FRMPD4: variants seen among roughly 807,000 people sequenced by gnomAD.
The protein encoded by FRMPD4 is FERM and PDZ domain-containing protein 4.
FRMPD4 carries 22 observed loss-of-function variants against 94.1 expected under a neutral mutation model. The observed-to-expected ratio is 0.23, with a 90% CI of 0.17 to 0.33. The LOEUF (loss-of-function observed/expected upper bound fraction) is 0.33, where lower values mean the gene tolerates loss of function less well. FRMPD4 is among the 10% of genes least tolerant of loss of function. The pLI, the probability that FRMPD4 is intolerant of heterozygous loss-of-function variation, is 1.00. For synonymous variants in FRMPD4, 631 were observed against 548.6 expected (o/e 1.15, Z -2.10); for missense variants, 1,111 against 1,339.9 (o/e 0.83, Z 2.67).
At chrX:12,556,306 G>A (rs2058594494) in intron 2 of FRMPD4, among the ~76,000 whole-genome samples, 2 of 111,152 alleles carry the variant, frequency 1.8e-5, no homozygotes, top group African/African-American at 3.3e-5. Context: ...TAATCAAAAT[G>A]GAGATTATCT....
chrX:12,715,999 C>CGGGGGGGGG, intron 14 of FRMPD4, 70 bp from the exon 15 acceptor site: 1 of 337,360 alleles, frequency 3.0e-6, no homozygotes, highest in Non-Finnish European at 5.4e-6. Context: ...CAGAGACGAG[C>CGGGGGGGGG]CTCCCACCCC....
chrX:12,560,751 T>C (rs2058648730), intron 2 of FRMPD4, among the ~76,000 whole-genome samples: 1 of 5,600 alleles, frequency 1.8e-4, no homozygotes, highest in Non-Finnish European at 3.4e-4. Context: ...TCTTTTTTTT[T>C]TTTTTTTTTT....
intron 1 of FRMPD4, among the ~76,000 whole-genome samples, chrX:12,208,737 T>C (rs1283414139): frequency 8.9e-6 from 1 of 112,075 alleles, no homozygotes; most frequent in African/African-American, 3.2e-5. Flanking sequence ...ACCTTAGTAA[T>C]TTTTTAATAT....
At chrX:11,833,416 C>T (rs1216558245) in intron 1 of FRMPD4, among the ~76,000 whole-genome samples, 2 of 111,946 alleles carry the variant, frequency 1.8e-5, no homozygotes, top group Non-Finnish European at 3.8e-5. Context: ...TAAGAAATTG[C>T]CAAACTGTCT....
intron 1 of FRMPD4, among the ~76,000 whole-genome samples, chrX:12,350,983 G>A (rs772818463): frequency 1.8e-5 from 2 of 111,595 alleles, no homozygotes; most frequent in South Asian, 7.6e-4. Flanking sequence ...AGACCATCCT[G>A]GCCAACATGG....
At chrX:11,842,846 T>A (rs1271140360) in intron 1 of FRMPD4, among the ~76,000 whole-genome samples, 1 of 106,527 alleles carries the variant, frequency 9.4e-6, no homozygotes, top group African/African-American at 3.5e-5. Flanking sequence ...AGGGAATGCT[T>A]CCAGTTTTTG....
chrX:12,049,467 C>T (rs1185405391), intron 3 of FRMPD4, among the ~76,000 whole-genome samples: 1 of 110,965 alleles, frequency 9.0e-6, no homozygotes, highest in Non-Finnish European at 1.9e-5. Context: ...TATTTGGATG[C>T]CTTTTATTTC....
chrX:11,824,159 G>C (rs768598762), intron 1 of FRMPD4, among the ~76,000 whole-genome samples: 60 of 111,642 alleles, frequency 5.4e-4, no homozygotes, highest in African/African-American at 1.8e-3. Context: ...CTGAATATAA[G>C]GTGACAAATT....
At chrX:11,993,629 A>G (rs2054478173) in intron 3 of FRMPD4, among the ~76,000 whole-genome samples, 1 of 112,437 alleles carries the variant, frequency 8.9e-6, no homozygotes, top group Non-Finnish European at 1.9e-5. Context: ...ATAGATTACT[A>G]TGTCTATCTT....
chrX:12,704,800 T>C (rs895276586), intron 11 of FRMPD4, among the ~76,000 whole-genome samples: 6 of 112,347 alleles, frequency 5.3e-5, no homozygotes, highest in African/African-American at 1.9e-4. Flanking sequence ...GTGAAATCAT[T>C]CTATGTTTCA....
rs149308328 is a variant in FRMPD4 at position 12,275,403 on chromosome X, T to G, written c.41+136391T>G. On this transcript the variant is annotated intron_variant, in intron 1 of 16. Coordinates refer to ENST00000675598, the MANE Select transcript of FRMPD4 (RefSeq NM_001368397.1). ...GAACCATGAACCAATTAAACCTTTG[T>G]TAAAAAATAAATTACCGAGTCTCAG... 3.1e-4 allele frequency among the ~76,000 whole-genome samples: 35 copies of G among 111,280 alleles called. 1 individual carries two copies. The East Asian group carries it at 8.5e-3, about 27-fold the overall frequency.
At chrX:12,274,068 G>A (rs183430824) in intron 1 of FRMPD4, among the ~76,000 whole-genome samples, 19 of 111,302 alleles carry the variant, frequency 1.7e-4, no homozygotes, top group African/African-American at 6.2e-4. Flanking sequence ...GGGCACCTAC[G>A]AAGAATGTAA....
At chrX:12,518,872 G>A (rs1306822243) in intron 2 of FRMPD4, among the ~76,000 whole-genome samples, 2 of 111,812 alleles carry the variant, frequency 1.8e-5, no homozygotes, top group Non-Finnish European at 3.8e-5. Context: ...ATTCAGCAAA[G>A]TTACAGGTCA....
intron 3 of FRMPD4, among the ~76,000 whole-genome samples, chrX:11,964,353 G>T (rs1389939241): frequency 1.8e-5 from 2 of 110,577 alleles, no homozygotes; most frequent in Non-Finnish European, 3.8e-5. Flanking sequence ...GTAGAGACAG[G>T]GTTTCACCGT....
intron 1 of FRMPD4, among the ~76,000 whole-genome samples, chrX:12,467,883 A>G (rs2407851): frequency 0.18 from 20,067 of 111,145 alleles, 1,425 homozygotes; most frequent in African/African-American, 0.24. Context: ...AATCAGAGCT[A>G]CATTTTTAAA....
chrX:12,178,754 G>C (rs941467829), intron 1 of FRMPD4, among the ~76,000 whole-genome samples: 1 of 111,679 alleles, frequency 9.0e-6, no homozygotes, highest in African/African-American at 3.3e-5. Flanking sequence ...AGAAGCATTT[G>C]CAAGGGCAAC....
chrX:12,288,969 G>A (rs886138776), intron 1 of FRMPD4, among the ~76,000 whole-genome samples: 13 of 112,139 alleles, frequency 1.2e-4, no homozygotes, highest in African/African-American at 3.9e-4. Context: ...GTGCTAGGAG[G>A]AGCTTAGGAA....
intron 1 of FRMPD4, among the ~76,000 whole-genome samples, chrX:12,321,643 C>G (rs781118770): frequency 1.8e-5 from 2 of 111,915 alleles, no homozygotes; most frequent in Non-Finnish European, 3.8e-5. Context: ...TTATTGGGAT[C>G]TAACCTCATT....
intron 1 of FRMPD4, among the ~76,000 whole-genome samples, chrX:11,847,242 A>C (rs1217064068): frequency 9.0e-6 from 1 of 110,605 alleles, no homozygotes; most frequent in Non-Finnish European, 1.9e-5. Flanking sequence ...GACACGTCTC[A>C]AAAGAAGACA....
Sources: gnomAD v4.1 joint callset for allele counts (sites outside exome capture counted in the v4.1 genomes callset) on GRCh38, gnomAD v4.1.1 for gene constraint, MANE v1.5 for transcripts, NCBI Gene and HGNC (gene_info 2026-07-23, HGNC 2026-07-21) for gene names.